TMX4: variants seen among roughly 807,000 people sequenced by gnomAD.
TMX4 encodes thioredoxin-related transmembrane protein 4.
Under a neutral mutation model 33.3 loss-of-function variants are expected in TMX4, and 23 were observed. That is an observed-to-expected ratio of 0.69 (90% CI 0.50 to 0.98). TMX4 has a LOEUF of 0.98. Ranked by LOEUF, TMX4 falls within the 50% of genes least tolerant of loss-of-function variation. The probability of loss-of-function intolerance (pLI) is 0.00; values close to 1 mark genes in which losing one functional copy is unlikely to be tolerated. For missense variants in TMX4, 399 were observed against 448.9 expected (o/e 0.89, Z 1.01); for synonymous variants, 164 against 161.5 (o/e 1.02, Z -0.12).
chr20:8,016,690 T>C (rs1034155507), intron 1 of TMX4, among the ~76,000 whole-genome samples: 5 of 152,190 alleles, frequency 3.3e-5, no homozygotes, highest in Non-Finnish European at 7.3e-5. Context: ...AGAGGGGATC[T>C]GTATGACGTG....
In TMX4 at chr20:8,018,517, AGAGAGAG is replaced by A. The variant is rs1568541323; in HGVS notation, c.176+914_176+920del. Among the ~76,000 whole-genome samples, 13 of 43,424 alleles carry A rather than the reference AGAGAGAG, an allele frequency of 3.0e-4. 4 individuals are homozygous for A. In the African/African-American group the frequency reaches 4.2e-3, roughly 14 times the overall value. 28.5% of individuals were successfully genotyped at this position (43,424 alleles called of 152,430 possible). A position where few individuals can be genotyped will look rare whatever the true frequency, so the allele number is the denominator to read the frequency against. On this transcript the variant is annotated intron_variant, in intron 1 of 7. Transcript: ENST00000246024. ...GAGAGAGAGAGAGAGAGAGAGAGAG[AGAGAGAG>A]AGAGTCTGCAAGCCCACCATGATGG...
At chr20:8,013,376 A>C (rs1348767965) in intron 1 of TMX4, among the ~76,000 whole-genome samples, 2 of 152,174 alleles carry the variant, frequency 1.3e-5, no homozygotes, top group African/African-American at 4.8e-5. Context: ...TATCTTTTCT[A>C]CTGAACTTTT....
At chr20:7,999,226 G>A (rs2122866521) in intron 4 of TMX4, among the ~76,000 whole-genome samples, 1 of 152,206 alleles carries the variant, frequency 6.6e-6, no homozygotes, top group Non-Finnish European at 1.5e-5. Context: ...GTTATGGTTT[G>A]GCCTAATCTA....
At chr20:8,015,204 C>T (rs887309830) in intron 1 of TMX4, among the ~76,000 whole-genome samples, 1 of 152,150 alleles carries the variant, frequency 6.6e-6, no homozygotes, top group Non-Finnish European at 1.5e-5. Context: ...AGGCTTTAAA[C>T]CCTTTGTGGA....
intron 1 of TMX4, among the ~76,000 whole-genome samples, chr20:8,014,427 TATTATTCACTC>T: frequency 6.6e-6 from 1 of 152,364 alleles, no homozygotes; most frequent in African/African-American, 2.4e-5. Context: ...GCAATTAATC[TATTATTCACTC>T]ATTTACCTAG....
At chr20:8,011,894 T>C (rs1234229111) in intron 1 of TMX4, among the ~76,000 whole-genome samples, 1 of 152,162 alleles carries the variant, frequency 6.6e-6, no homozygotes, top group African/African-American at 2.4e-5. Context: ...CATCTTTGAA[T>C]GTAGATTTTT....
Position 7,982,127 on chromosome 20 carries a change from T to C in TMX4, c.*124A>G. ...GCTTACTGCCATGAGACCAAATGAC[T>C]AGAGAGCATCTTTTAAGAGAAGCTT... is the stretch of plus-strand genomic sequence containing the variant. On this transcript the variant is annotated 3_prime_UTR_variant, in exon 8 of 8. Coordinates refer to ENST00000246024, the MANE Select transcript of TMX4 (RefSeq NM_021156.4). 1 of 1,003,468 alleles carries C rather than the reference T, an allele frequency of 1.0e-6. No individual in the cohort carries two copies. Among genetic ancestry groups the C allele is most frequent in the South Asian group, 1.7e-5 (1 of 59,346 alleles). The allele number at this position is 1,003,468 out of a possible 1,614,324, so 62.2% of individuals were successfully genotyped here.
chr20:8,007,564 C>A (rs1174963589), intron 2 of TMX4, among the ~76,000 whole-genome samples: 1 of 152,174 alleles, frequency 6.6e-6, no homozygotes, highest in Non-Finnish European at 1.5e-5. Context: ...ATCTAAACTC[C>A]TTGTCATGGC....
chr20:8,003,154 G>C (rs2122870207), intron 2 of TMX4, among the ~76,000 whole-genome samples: 1 of 152,178 alleles, frequency 6.6e-6, no homozygotes, highest in Admixed American at 6.5e-5. Context: ...TAAAAAACTA[G>C]TATATGCCTT....
At chr20:7,999,500 G>A (rs991481088) in intron 4 of TMX4, among the ~76,000 whole-genome samples, 4 of 152,126 alleles carry the variant, frequency 2.6e-5, no homozygotes, top group East Asian at 3.8e-4. Flanking sequence ...GAAAAGAGGC[G>A]TTCTGTAACC....
Position 8,019,592 on chromosome 20 carries a change from G to A in TMX4, c.22C>T (p.Pro8Ser), listed in dbSNP as rs573335024. 2 of 1,364,026 alleles carry A rather than the reference G, an allele frequency of 1.5e-6. No individual in the cohort carries two copies. Among genetic ancestry groups the A allele is most frequent in the African/African-American group, 1.5e-5 (1 of 65,012 alleles). 84.5% of individuals were successfully genotyped at this position (1,364,026 alleles called of 1,614,324 possible). The change falls in exon 1 of 8, where the codon CCG (proline) becomes TCG (serine). Residue 8 changes from proline (P) to serine (S), a missense_variant. Coordinates refer to ENST00000246024, the MANE Select transcript of TMX4 (RefSeq NM_021156.4). MAGGRCG[P>S]QLTALLAAWI... ...GCGGCCAGGAGCGCCGTTAGCTGCG[G>A]GCCGCAGCGCCCACCCGCCATGTTG...
At chr20:7,996,580 T>C (rs1262000548) in intron 4 of TMX4, among the ~76,000 whole-genome samples, 1 of 152,148 alleles carries the variant, frequency 6.6e-6, no homozygotes, top group African/African-American at 2.4e-5. Context: ...CTACCAAATC[T>C]GAGCCTGGTG....
chr20:7,982,745 T>C (rs2050614245), intron 7 of TMX4, 124 bp from the exon 8 acceptor site: 18 of 1,094,548 alleles, frequency 1.6e-5, no homozygotes, highest in Middle Eastern at 2.2e-4. Context: ...CTTGAAACTA[T>C]GGTCATATAG....
chr20:8,006,153 G>A (rs139161731), intron 2 of TMX4, among the ~76,000 whole-genome samples: 159 of 139,664 alleles, frequency 1.1e-3, no homozygotes, highest in African/African-American at 4.4e-3. Context: ...CAGCCTGCCC[G>A]TCTGCATGTC....
intron 6 of TMX4, 104 bp downstream of exon 6, chr20:7,987,184 C>A (rs1316766608): frequency 2.4e-6 from 2 of 836,894 alleles, no homozygotes; most frequent in Admixed American, 3.1e-5. Context: ...TTAGATTGCA[C>A]AAAATACTAT....
At position 7,977,970 on chromosome 20, in the gene TMX4, G is replaced by A. The variant is rs1325864919; in HGVS notation, c.*4281C>T. 1.3e-5 allele frequency: 2 copies of A among 152,180 alleles called. No individual in the cohort carries two copies. The highest frequency in any genetic ancestry group is 4.8e-5 in the African/African-American group (2 of 41,454). The allele number at this position is 152,180 out of a possible 1,614,324, so 9.4% of individuals were successfully genotyped here. A position where few individuals can be genotyped will look rare whatever the true frequency, so the allele number is the denominator to read the frequency against. Reference sequence around the variant, plus strand: ...GCTGTTCAAAAAGCTGCCCCATCAGGTTCAGCAGGCTTGATGACTCCAAAT... The same window carrying A: ...GCTGTTCAAAAAGCTGCCCCATCAGATTCAGCAGGCTTGATGACTCCAAAT... On this transcript the variant is annotated 3_prime_UTR_variant, in exon 8 of 8. Transcript: ENST00000246024.
At position 7,995,888 on chromosome 20, in the gene TMX4, T is replaced by C. The variant is rs116410648; in HGVS notation, c.513+138A>G. 5.9e-3 allele frequency: 4,061 copies of C among 684,640 alleles called. 39 individuals carry two copies. The highest frequency in any genetic ancestry group is 0.026 in the African/African-American group (1,435 of 54,982). 42.4% of individuals were successfully genotyped at this position (684,640 alleles called of 1,614,324 possible). On this transcript the variant is annotated intron_variant, in intron 5 of 7. Transcript: ENST00000246024. ...CGACATTACCACTGGAAACCCCACA[T>C]GAGAGTAGTTGCATGGCTTAAGAAA...
chr20:7,994,367 T>C (rs1321843185), intron 5 of TMX4, among the ~76,000 whole-genome samples: 8 of 152,202 alleles, frequency 5.3e-5, no homozygotes, highest in Non-Finnish European at 5.9e-5. Context: ...GTGTTGCCCA[T>C]AGCTGGGCAC....
At chr20:8,019,036 GTATC>G in intron 1 of TMX4, 1 of 449,868 alleles carries the variant, frequency 2.2e-6, no homozygotes, top group Non-Finnish European at 4.4e-6. Context: ...ATACATATCT[GTATC>G]TAAAAGCACA....
Sources: allele counts gnomAD v4.1 joint callset (sites outside exome capture counted in the v4.1 genomes callset), GRCh38; gene constraint gnomAD v4.1.1; transcripts MANE v1.5; gene names NCBI Gene and HGNC (gene_info 2026-07-23, HGNC 2026-07-21).